The following FHIT variants were observed in gnomAD, a reference collection of about 807,000 sequenced individuals.
FHIT encodes the protein bis(5'-adenosyl)-triphosphatase.
In FHIT, 19 loss-of-function variants were observed where a neutral mutation model predicts 17.9. The ratio of observed to expected loss-of-function variants is 1.06; its 90% CI spans 0.74 to 1.56. The LOEUF (loss-of-function observed/expected upper bound fraction) is 1.56, where lower values mean the gene tolerates loss of function less well. Ranked by LOEUF, FHIT falls within the 40% of genes most tolerant of loss-of-function variation. The pLI is 0.00. For synonymous variants in FHIT, 81 were observed against 69.7 expected, an observed-to-expected ratio of 1.16 and a Z score of -0.81; for missense variants, 248 against 189.2, an observed-to-expected ratio of 1.31 and a Z score of -1.82.
intron 5 of FHIT, among the ~76,000 whole-genome samples, chr3:60,493,066 C>A (rs1222171734): frequency 1.3e-5 from 2 of 152,144 alleles, no homozygotes; most frequent in East Asian, 3.9e-4. Flanking sequence ...AAATACAAAT[C>A]AAGAATTCAG....
intron 3 of FHIT, among the ~76,000 whole-genome samples, chr3:60,968,932 T>A (rs977694548): frequency 3.3e-5 from 5 of 152,296 alleles, no homozygotes; most frequent in Non-Finnish European, 7.4e-5. Context: ...TTGATAATGA[T>A]ATATTATTCT....
intron 4 of FHIT, among the ~76,000 whole-genome samples, chr3:60,539,645 C>T (rs907931931): frequency 6.6e-6 from 1 of 152,110 alleles, no homozygotes; most frequent in Admixed American, 6.5e-5. Flanking sequence ...TTTGTAGGGA[C>T]ATGGATGAAG....
At chr3:61,012,987 C>G (rs1217524811) in intron 3 of FHIT, among the ~76,000 whole-genome samples, 1 of 151,868 alleles carries the variant, frequency 6.6e-6, no homozygotes, top group Non-Finnish European at 1.5e-5. Flanking sequence ...GTTAAATTGA[C>G]AATAGTGAGA....
intron 2 of FHIT, among the ~76,000 whole-genome samples, chr3:61,148,207 C>A (rs762157580): frequency 2.6e-5 from 4 of 152,012 alleles, no homozygotes; most frequent in Non-Finnish European, 4.4e-5. Context: ...GAATTATTTT[C>A]TCTCTATGGT....
At chr3:60,365,221 C>T (rs1394928772) in intron 5 of FHIT, among the ~76,000 whole-genome samples, 2 of 150,560 alleles carry the variant, frequency 1.3e-5, no homozygotes, top group African/African-American at 4.9e-5. Context: ...TCTGGAAAAT[C>T]AAAATTCAAC....
intron 2 of FHIT, among the ~76,000 whole-genome samples, chr3:61,096,087 A>G (rs1042657927): frequency 1.3e-5 from 2 of 152,216 alleles, no homozygotes; most frequent in Non-Finnish European, 2.9e-5. Flanking sequence ...GACAAAGTAG[A>G]TGCACTCATA....
intron 8 of FHIT, among the ~76,000 whole-genome samples, chr3:59,757,152 A>G (rs559878080): frequency 2.7e-4 from 41 of 152,274 alleles, no homozygotes; most frequent in African/African-American, 8.4e-4. Flanking sequence ...TGCAACAACA[A>G]TAGTCAAAAC....
chr3:61,119,402 CG>C (rs1291165710), intron 2 of FHIT, among the ~76,000 whole-genome samples: 1 of 151,938 alleles, frequency 6.6e-6, no homozygotes, highest in Non-Finnish European at 1.5e-5. Flanking sequence ...TTAGTAGAGA[CG>C]GGGTTTCAAC....
chr3:61,082,196 A>G (rs966224956), intron 2 of FHIT, among the ~76,000 whole-genome samples: 3 of 152,188 alleles, frequency 2.0e-5, no homozygotes, highest in African/African-American at 7.2e-5. Flanking sequence ...ATCAAGAAAT[A>G]TAATATTATC....
chr3:60,003,970 T>C (rs1290534535), intron 7 of FHIT, among the ~76,000 whole-genome samples: 2 of 152,070 alleles, frequency 1.3e-5, no homozygotes, highest in African/African-American at 4.8e-5. Flanking sequence ...TAGAGATTTT[T>C]ATATTTGATT....
intron 3 of FHIT, among the ~76,000 whole-genome samples, chr3:60,838,982 C>T (rs965204912): frequency 6.6e-6 from 1 of 151,858 alleles, no homozygotes; most frequent in African/African-American, 2.4e-5. Flanking sequence ...CTGAGAAAAG[C>T]GGAAAAGATG....
At chr3:60,051,490 C>A (rs926673047) in intron 5 of FHIT, among the ~76,000 whole-genome samples, 1 of 152,040 alleles carries the variant, frequency 6.6e-6, no homozygotes, top group African/African-American at 2.4e-5. Context: ...TCAAAGACTA[C>A]CTAGAACAGG....
At chr3:60,105,328 A>C (rs1369824954) in intron 5 of FHIT, among the ~76,000 whole-genome samples, 1 of 152,218 alleles carries the variant, frequency 6.6e-6, no homozygotes, top group Non-Finnish European at 1.5e-5. Flanking sequence ...AAATGCATGC[A>C]TGTACTCACA....
At chr3:59,942,439 A>T (rs138493392) in intron 7 of FHIT, among the ~76,000 whole-genome samples, 2 of 152,166 alleles carry the variant, frequency 1.3e-5, no homozygotes, top group Admixed American at 1.3e-4. Flanking sequence ...TTGTCAGACC[A>T]TTGGTTAAAT....
At chr3:60,104,433 G>C (rs1704321458) in intron 5 of FHIT, among the ~76,000 whole-genome samples, 1 of 151,254 alleles carries the variant, frequency 6.6e-6, no homozygotes, top group South Asian at 2.1e-4. Context: ...ATAGCAAAAA[G>C]CTGACTTGAA....
intron 4 of FHIT, among the ~76,000 whole-genome samples, chr3:60,800,329 T>C (rs1467132727): frequency 1.3e-5 from 2 of 152,214 alleles, no homozygotes; most frequent in Non-Finnish European, 2.9e-5. Context: ...CCTAATTCTT[T>C]CTAAATCTAA....
chr3:60,829,588 G>T (rs1046737798), intron 3 of FHIT, among the ~76,000 whole-genome samples: 9 of 152,226 alleles, frequency 5.9e-5, no homozygotes, highest in African/African-American at 2.2e-4. Context: ...AAGGAAAAGA[G>T]ATCTCAAGTT....
At chr3:61,226,929 C>G (rs12639018) in intron 1 of FHIT, among the ~76,000 whole-genome samples, 1 of 151,960 alleles carries the variant, frequency 6.6e-6, no homozygotes, top group South Asian at 2.1e-4. Flanking sequence ...AGTTTACAGT[C>G]TAGGATAAAG....
chr3:60,743,949 G>A (rs1577149224), intron 4 of FHIT, among the ~76,000 whole-genome samples: 1 of 152,110 alleles, frequency 6.6e-6, no homozygotes, highest in Non-Finnish European at 1.5e-5. Flanking sequence ...TTAATTATTT[G>A]GAGCTCCCAG....
Sources: gnomAD v4.1 joint callset for allele counts (sites outside exome capture counted in the v4.1 genomes callset) on GRCh38, gnomAD v4.1.1 for gene constraint, MANE v1.5 for transcripts, NCBI Gene and HGNC (gene_info 2026-07-23, HGNC 2026-07-21) for gene names.